Variants in SHROOM4 observed in about 807,000 individuals in gnomAD.
SHROOM4 encodes the protein shroom family member 4.
Under a neutral mutation model 80.3 loss-of-function variants are expected in SHROOM4, and 17 were observed. That is an observed-to-expected ratio of 0.21 (90% CI 0.14 to 0.32). The LOEUF (loss-of-function observed/expected upper bound fraction) is 0.32. Ranked by LOEUF, SHROOM4 falls within the 10% of genes least tolerant of loss-of-function variation. SHROOM4 has a pLI of 1.00. For synonymous variants in SHROOM4, 400 were observed against 437.5 expected, an observed-to-expected ratio of 0.91 and a Z score of 1.07; for missense variants, 993 against 1,140.3, an observed-to-expected ratio of 0.87 and a Z score of 1.86.
chrX:50,678,707 T>C (rs1459554886), intron 2 of SHROOM4, among the ~76,000 whole-genome samples: 1 of 111,583 alleles, frequency 9.0e-6, no homozygotes, highest in Non-Finnish European at 1.9e-5. Context: ...TTAGAAGATT[T>C]TGTTGAATCT....
intron 2 of SHROOM4, among the ~76,000 whole-genome samples, chrX:50,670,266 C>T (rs782265862): frequency 9.2e-6 from 1 of 109,004 alleles, no homozygotes; most frequent in African/African-American, 3.4e-5. Flanking sequence ...CCTAGCCCCC[C>T]ACCCTCTGAC....
chrX:50,583,845 C>A (rs1557244534), downstream of SHROOM4, among the ~76,000 whole-genome samples: 1 of 112,245 alleles, frequency 8.9e-6, no homozygotes, highest in Non-Finnish European at 1.9e-5. Flanking sequence ...ACCTTGACTG[C>A]AGCTTTGTGA....
At chrX:50,749,977 G>A (rs1231992396) in intron 1 of SHROOM4, among the ~76,000 whole-genome samples, 1 of 111,582 alleles carries the variant, frequency 9.0e-6, no homozygotes, top group African/African-American at 3.3e-5. Context: ...CAGTGAACTG[G>A]AATTGGACAA....
chrX:50,745,400 T>A (rs1330676760), intron 1 of SHROOM4, among the ~76,000 whole-genome samples: 1 of 110,033 alleles, frequency 9.1e-6, no homozygotes, highest in Non-Finnish European at 1.9e-5. Flanking sequence ...TACAGTGACA[T>A]CTCTGCTCTA....
intron 5 of SHROOM4, among the ~76,000 whole-genome samples, chrX:50,614,482 T>C (rs1388564499): frequency 8.9e-6 from 1 of 112,286 alleles, no homozygotes; most frequent in Admixed American, 9.4e-5. Context: ...AGAAAATGAC[T>C]TATCAATTTA....
intron 1 of SHROOM4, among the ~76,000 whole-genome samples, chrX:50,790,869 A>T (rs1243158536): frequency 2.3e-4 from 26 of 111,785 alleles, no homozygotes; most frequent in Admixed American, 6.7e-4. Context: ...TTTTCCTCTA[A>T]GATCAGGAAC....
At chrX:50,639,196 C>T (rs781993166) in intron 2 of SHROOM4, among the ~76,000 whole-genome samples, 3 of 111,956 alleles carry the variant, frequency 2.7e-5, no homozygotes, top group Non-Finnish European at 5.6e-5. Context: ...GCCACCCTTG[C>T]GAGTGGGGAA....
At chrX:50,661,927 T>C (rs1396974971) in intron 2 of SHROOM4, among the ~76,000 whole-genome samples, 1 of 111,038 alleles carries the variant, frequency 9.0e-6, no homozygotes, top group Non-Finnish European at 1.9e-5. Context: ...TAAAAGTTCA[T>C]AGAATAAGAA....
chrX:50,655,571 A>G (rs1388668567), intron 2 of SHROOM4, among the ~76,000 whole-genome samples: 1 of 106,826 alleles, frequency 9.4e-6, no homozygotes, highest in Admixed American at 1.0e-4. Flanking sequence ...TGAAATATAT[A>G]TTATATAACA....
At chrX:50,712,487 C>T in intron 1 of SHROOM4, among the ~76,000 whole-genome samples, 1 of 111,775 alleles carries the variant, frequency 8.9e-6, no homozygotes. Context: ...GATAGCTACC[C>T]CATTCTCCAT....
At chrX:50,648,362 C>T (rs1346842901) in intron 2 of SHROOM4, among the ~76,000 whole-genome samples, 3 of 111,727 alleles carry the variant, frequency 2.7e-5, no homozygotes. Context: ...ATTAGGGGCT[C>T]TAAAAAGAAA....
intron 5 of SHROOM4, among the ~76,000 whole-genome samples, chrX:50,619,032 C>T (rs1930465073): frequency 8.9e-6 from 1 of 112,005 alleles, no homozygotes; most frequent in South Asian, 3.8e-4. Flanking sequence ...AGCAAGGAGA[C>T]TACATCTCAA....
intron 1 of SHROOM4, among the ~76,000 whole-genome samples, chrX:50,791,630 T>C (rs948931150): frequency 8.2e-5 from 8 of 97,246 alleles, no homozygotes; most frequent in Admixed American, 4.5e-4. Flanking sequence ...CACTATGTTG[T>C]CCAGGCTGGT....
At chrX:50,738,677 A>G (rs1205204319) in intron 1 of SHROOM4, among the ~76,000 whole-genome samples, 1 of 111,804 alleles carries the variant, frequency 8.9e-6, no homozygotes, top group Non-Finnish European at 1.9e-5. Flanking sequence ...ATGAAATAAA[A>G]GAGGACACAA....
chrX:50,581,219 A>G, the SHROOM4 span, among the ~76,000 whole-genome samples: 6 of 112,422 alleles, frequency 5.3e-5, no homozygotes, highest in Admixed American at 5.7e-4. Flanking sequence ...TTGTTCCCAG[A>G]TTGTAATAAT....
intron 2 of SHROOM4, among the ~76,000 whole-genome samples, chrX:50,684,129 C>A (rs782177988): frequency 8.9e-6 from 1 of 111,953 alleles, no homozygotes; most frequent in African/African-American, 3.2e-5. Flanking sequence ...CCTTTGAATG[C>A]AACCCTGTTT....
chrX:50,742,665 T>C (rs1387534949), intron 1 of SHROOM4, among the ~76,000 whole-genome samples: 1 of 106,530 alleles, frequency 9.4e-6, no homozygotes, highest in African/African-American at 3.6e-5. Context: ...ATCACAGAAG[T>C]GAAATACCAT....
intron 1 of SHROOM4, among the ~76,000 whole-genome samples, chrX:50,789,040 A>G (rs1443413939): frequency 1.8e-5 from 2 of 112,188 alleles, no homozygotes; most frequent in Non-Finnish European, 3.8e-5. Flanking sequence ...CTAAAGGGAG[A>G]AATAGATAGC....
In SHROOM4 at chrX:50,635,547, G is replaced by A. The variant is rs1557255878; in HGVS notation, c.526C>T (p.Pro176Ser). The change falls in exon 4 of 9, where the codon CCT becomes TCT. Residue 176 changes from proline (P) to serine (S), a missense_variant. Coordinates refer to ENST00000376020, the MANE Select transcript of SHROOM4 (RefSeq NM_020717.5). Reference sequence around the variant, plus strand: ...TTAGGGTACATGTTCTGGTCAATAGGCAACAGATGGCTCTCATAGGTGGCT... The same window carrying A: ...TTAGGGTACATGTTCTGGTCAATAGACAACAGATGGCTCTCATAGGTGGCT... Reference protein sequence around the residue: ...GQATYESHLLPIDQNMYPNQR... With the variant: ...GQATYESHLLSIDQNMYPNQR... 1 of 1,210,509 alleles carries A rather than the reference G, an allele frequency of 8.3e-7. No individual in the cohort carries two copies. Among genetic ancestry groups the A allele is most frequent in the Non-Finnish European group, 1.1e-6 (1 of 895,171 alleles).
Sources: allele counts gnomAD v4.1 joint callset (sites outside exome capture counted in the v4.1 genomes callset), GRCh38; gene constraint gnomAD v4.1.1; transcripts MANE v1.5; gene names NCBI Gene and HGNC (gene_info 2026-07-23, HGNC 2026-07-21).